CC2D2A: variants seen among roughly 807,000 people sequenced by gnomAD.
CC2D2A encodes coiled-coil and C2 domain containing 2A.
Under a neutral mutation model 212.9 loss-of-function variants are expected in CC2D2A, and 155 were observed. That is an observed-to-expected ratio of 0.73 (90% confidence interval 0.64 to 0.83). The LOEUF is 0.83. Among genes scored for constraint, CC2D2A ranks in the 40% least tolerant of loss-of-function variants. The probability of loss-of-function intolerance (pLI) is 0.00; values close to 1 mark genes in which losing one functional copy is unlikely to be tolerated. For synonymous variants in CC2D2A, 667 were observed against 686.5 expected (o/e 0.97, Z 0.44); for missense variants, 1,856 against 1,956.2 (o/e 0.95, Z 0.97).
intron 16 of CC2D2A, 56 bp downstream of exon 16, chr4:15,538,193 G>A: frequency 1.4e-6 from 2 of 1,470,534 alleles, no homozygotes; most frequent in Non-Finnish European, 1.8e-6. Flanking sequence ...ATGTTCACGT[G>A]GGCACATGCA....
In CC2D2A at chr4:15,514,877, C is replaced by T. The variant is rs2109011780; in HGVS notation, c.880+8C>T. On this transcript the variant is annotated splice_region_variant and intron_variant, in intron 9 of 36. Coordinates refer to ENST00000424120, the MANE Select transcript of CC2D2A (RefSeq NM_001378615.1). ...TACCCAGTAGGCAGACAGGTACTTG[C>T]TCTTTTTATTTTCTTGTTCAGCTTA... 4 of 1,612,416 alleles carry T rather than the reference C, an allele frequency of 2.5e-6. No homozygotes were observed. The highest frequency in any genetic ancestry group is 2.2e-5 in the South Asian group (2 of 90,896).
chr4:15,526,240 C>T (rs923163759), intron 11 of CC2D2A, among the ~76,000 whole-genome samples: 1 of 151,962 alleles, frequency 6.6e-6, no homozygotes, highest in African/African-American at 2.4e-5. Context: ...TGAGATGATG[C>T]GTGTGAAATG....
chr4:15,584,234 A>G (rs574988388), intron 30 of CC2D2A, among the ~76,000 whole-genome samples: 4 of 152,340 alleles, frequency 2.6e-5, no homozygotes, highest in Admixed American at 2.6e-4. Flanking sequence ...AACTGGAAGT[A>G]TCACACTACC....
At chr4:15,598,073 A>G (rs978150038) in intron 35 of CC2D2A, among the ~76,000 whole-genome samples, 1 of 152,084 alleles carries the variant, frequency 6.6e-6, no homozygotes, top group Non-Finnish European at 1.5e-5. Context: ...ATCGGTTTAC[A>G]CTCATTTACT....
chr4:15,509,585 T>C (rs940837501), intron 6 of CC2D2A, among the ~76,000 whole-genome samples: 1 of 152,188 alleles, frequency 6.6e-6, no homozygotes, highest in Non-Finnish European at 1.5e-5. Context: ...ACAGTTTTCA[T>C]TTTAAAGCTT....
At chr4:15,525,359 A>G (rs977143096) in intron 11 of CC2D2A, among the ~76,000 whole-genome samples, 1 of 152,222 alleles carries the variant, frequency 6.6e-6, no homozygotes, top group Non-Finnish European at 1.5e-5. Flanking sequence ...GGAATTTTCC[A>G]TTATGTCTGT....
intron 8 of CC2D2A, 83 bp downstream of exon 8, chr4:15,511,506 TGAG>T: frequency 7.7e-7 from 1 of 1,301,388 alleles, no homozygotes; most frequent in South Asian, 1.9e-5. Flanking sequence ...AGAAAGTGGC[TGAG>T]GAGAAACCTG....
In CC2D2A at chr4:15,587,692, G is replaced by A. The variant is rs116581330; in HGVS notation, c.4066-124G>A. ...ATTATCAACATAGTATCAAAATTTCGGGCAAGATTATAGGTCTTACACTTC... is the reference window on the plus strand; with the variant it reads ...ATTATCAACATAGTATCAAAATTTCAGGCAAGATTATAGGTCTTACACTTC... On this transcript the variant is annotated intron_variant, in intron 31 of 36. Coordinates refer to ENST00000424120, the MANE Select transcript of CC2D2A (RefSeq NM_001378615.1). 748 of 484,892 alleles carry A rather than the reference G, an allele frequency of 1.5e-3. 6 individuals are homozygous for A. Among genetic ancestry groups the A allele is most frequent in the African/African-American group, 0.013 (678 of 50,974 alleles). The allele number at this position is 484,892 out of a possible 1,614,324, so 30.0% of individuals were successfully genotyped here. A position where few individuals can be genotyped will look rare whatever the true frequency, so the allele number is the denominator to read the frequency against.
intron 19 of CC2D2A, 121 bp downstream of exon 19, chr4:15,553,426 A>T (rs370443137): frequency 4.7e-5 from 56 of 1,184,732 alleles, no homozygotes; most frequent in African/African-American, 2.5e-4. Context: ...CAGTATTTTC[A>T]AGAGTTTTTT....
chr4:15,490,306 A>C (rs1198499876), intron 4 of CC2D2A, among the ~76,000 whole-genome samples: 1 of 152,192 alleles, frequency 6.6e-6, no homozygotes, highest in African/African-American at 2.4e-5. Flanking sequence ...CTCCACTCCT[A>C]GCCCTAGCTC....
At chr4:15,594,795 C>T (rs1721246031) in intron 33 of CC2D2A, among the ~76,000 whole-genome samples, 1 of 152,052 alleles carries the variant, frequency 6.6e-6, no homozygotes, top group South Asian at 2.1e-4. Flanking sequence ...CATGTGTCTA[C>T]TTGGTTTTTG....
At chr4:15,600,592 A>G (rs1419415179) in intron 36 of CC2D2A, among the ~76,000 whole-genome samples, 1 of 152,094 alleles carries the variant, frequency 6.6e-6, no homozygotes, top group African/African-American at 2.4e-5. Context: ...CCGTGGATCA[A>G]TCATTGTAGC....
At chr4:15,554,776 A>G (rs1036691918) in intron 19 of CC2D2A, among the ~76,000 whole-genome samples, 1 of 152,214 alleles carries the variant, frequency 6.6e-6, no homozygotes, top group Non-Finnish European at 1.5e-5. Flanking sequence ...CCAGCACCAG[A>G]TACAGAGGCC....
intron 28 of CC2D2A, among the ~76,000 whole-genome samples, chr4:15,573,320 T>C (rs917657740): frequency 6.6e-6 from 1 of 152,266 alleles, no homozygotes; most frequent in East Asian, 1.9e-4. Context: ...AGACAGAGTC[T>C]GGTTCTGTCA....
chr4:15,526,667 A>C (rs1358443601), intron 11 of CC2D2A, among the ~76,000 whole-genome samples: 1 of 152,208 alleles, frequency 6.6e-6, no homozygotes, highest in Non-Finnish European at 1.5e-5. Context: ...CCATATCCTT[A>C]CTATAGTCAG....
chr4:15,483,969 G>A (rs781444419), intron 4 of CC2D2A, among the ~76,000 whole-genome samples: 8 of 152,166 alleles, frequency 5.3e-5, no homozygotes, highest in Non-Finnish European at 1.0e-4. Flanking sequence ...CAAGTTCTCC[G>A]ACCTACCTAA....
At position 15,567,433 on chromosome 4, in the gene CC2D2A, C is replaced by G. The variant is rs748192403; in HGVS notation, c.3239C>G (p.Ser1080Cys). 4 of 1,613,556 alleles carry G rather than the reference C, an allele frequency of 2.5e-6. No homozygotes were observed. The highest frequency in any genetic ancestry group is 3.4e-6 in the Non-Finnish European group (4 of 1,179,690). Residue 1080 changes from serine to cysteine, a missense_variant, in exon 25 of 37, where the codon TCC (serine) becomes TGC (cysteine). Around this residue, in one of 5 missense-constraint regions of CC2D2A, gnomAD observed 1,512 missense variants for 1,579.3 expected, o/e 0.96. Transcript: ENST00000424120. ...ATGTTCAGTGAAAAGCATGCTGCTT[C>G]CCCAAGCACGTACAGCCCAACCCAC... is the stretch of plus-strand genomic sequence containing the variant. ...SRMFSEKHAA[S>C]PSTYSPTHNA...
chr4:15,524,653 G>T (rs12643658), intron 11 of CC2D2A, among the ~76,000 whole-genome samples: 1 of 148,862 alleles, frequency 6.7e-6, no homozygotes, highest in Admixed American at 6.7e-5. Context: ...GGGTTTCACC[G>T]TGTTAGCCAG....
intron 17 of CC2D2A, among the ~76,000 whole-genome samples, chr4:15,547,225 A>G (rs1345985337): frequency 6.6e-6 from 1 of 152,200 alleles, no homozygotes; most frequent in African/African-American, 2.4e-5. Flanking sequence ...TACATGTGGT[A>G]TTTTGATACA....
Sources: allele counts gnomAD v4.1 joint callset (sites outside exome capture counted in the v4.1 genomes callset), GRCh38; gene constraint gnomAD v4.1.1; regional missense constraint gnomAD v4.1.1; transcripts MANE v1.5; gene names NCBI Gene and HGNC (gene_info 2026-07-23, HGNC 2026-07-21).